SLC43A1: variants seen among roughly 807,000 people sequenced by gnomAD.
SLC43A1 encodes large neutral amino acids transporter small subunit 3.
SLC43A1 carries 31 observed loss-of-function variants against 59.5 expected under a neutral mutation model. That is an observed-to-expected ratio of 0.52 (90% CI 0.39 to 0.70). The LOEUF (loss-of-function observed/expected upper bound fraction) is 0.70. Among genes scored for constraint, SLC43A1 ranks in the 30% least tolerant of loss-of-function variants. The pLI is 0.00. For missense variants in SLC43A1, 598 were observed against 717.8 expected (o/e 0.83, Z 1.91); for synonymous variants, 259 against 290.9 (o/e 0.89, Z 1.12).
intron 2 of SLC43A1, among the ~76,000 whole-genome samples, chr11:57,512,679 C>A (rs1944579696): frequency 6.6e-6 from 1 of 152,112 alleles, no homozygotes; most frequent in Non-Finnish European, 1.5e-5. Context: ...TTGGTTCTTG[C>A]AGCCACTCTT....
At chr11:57,491,553 G>T in intron 10 of SLC43A1, 38 bp downstream of exon 10, 1 of 1,613,144 alleles carries the variant, frequency 6.2e-7, no homozygotes, top group Non-Finnish European at 8.5e-7. Flanking sequence ...GTTGCAGTGG[G>T]GTGGGCGTGA....
chr11:57,512,877 G>A (rs1336571980), intron 2 of SLC43A1, among the ~76,000 whole-genome samples: 5 of 152,084 alleles, frequency 3.3e-5, no homozygotes. Context: ...GGCAGATCCT[G>A]GGGTGGAGCA....
At chr11:57,501,969 GCCCCAT>G (rs1944280651) in intron 2 of SLC43A1, among the ~76,000 whole-genome samples, 1 of 9,248 alleles carries the variant, frequency 1.1e-4, no homozygotes, top group African/African-American at 3.5e-4. Flanking sequence ...AAACACAACA[GCCCCAT>G]AAGTCAGTTA....
chr11:57,487,264 C>A (rs775358444), intron 13 of SLC43A1, 46 bp from the exon 14 acceptor site: 27 of 1,594,408 alleles, frequency 1.7e-5, no homozygotes, highest in Middle Eastern at 2.0e-4. Flanking sequence ...CCCTCTCCAG[C>A]CCAGGCCAGC....
At position 57,485,222 on chromosome 11, in the gene SLC43A1, T is replaced by C. The variant is rs370020211; in HGVS notation, c.1554A>G (p.Leu518=). The change falls in exon 15 of 15, where the codon CTA becomes CTG. Residue 518 remains leucine (L), a synonymous_variant. Coordinates refer to ENST00000278426, the MANE Select transcript of SLC43A1 (RefSeq NM_003627.6). ...EPFWVNLGLL[L]FSLLGFLLPS... ...GCAACAGGAATCCCAGGAGTGAGAA[T>C]AGCAGGAGGCCCAGATTCACCTTTA... 1.2e-5 allele frequency: 19 copies of C among 1,613,266 alleles called. No individual in the cohort carries two copies. The highest frequency in any genetic ancestry group is 1.7e-5 in the Admixed American group (1 of 59,840).
chr11:57,490,309 T>TC, intron 11 of SLC43A1, among the ~76,000 whole-genome samples: 1 of 78,704 alleles, frequency 1.3e-5, no homozygotes, highest in South Asian at 3.7e-4. Flanking sequence ...ACTGTCTCAA[T>TC]AAAAAAAAAA....
chr11:57,494,277 C>G, intron 7 of SLC43A1, 106 bp from the exon 8 acceptor site: 1 of 1,034,566 alleles, frequency 9.7e-7, no homozygotes, highest in Non-Finnish European at 1.4e-6. Context: ...CTCCTTTACC[C>G]GGCATTGACA....
intron 7 of SLC43A1, among the ~76,000 whole-genome samples, chr11:57,494,901 T>G (rs1944033232): frequency 6.6e-6 from 1 of 150,998 alleles, no homozygotes; most frequent in African/African-American, 2.4e-5. Context: ...CAGGCTGGAG[T>G]GCAATGGCAC....
At position 57,509,721 on chromosome 11, in the gene SLC43A1, A is replaced by AGAAG. The variant is rs59036724; in HGVS notation, c.154+4233_154+4236dup. On this transcript the variant is annotated intron_variant, in intron 2 of 14. Transcript: ENST00000278426. The stretch of plus-strand genomic sequence containing the variant: ...GGGAGGGAGAGAGGGAGGGAGGGAA[A>AGAAG]GAAGGAAGGAAGGAAGGAAGGAAGG... Among the ~76,000 whole-genome samples the AGAAG allele has an allele frequency of 1.1e-3, 153 of 133,738 alleles. 4 individuals carry two copies. In the South Asian group the frequency reaches 0.03, roughly 26 times the overall value. 87.7% of individuals were successfully genotyped at this position (133,738 alleles called of 152,430 possible).
At chr11:57,510,457 C>CAAAAAA (rs61412196) in intron 2 of SLC43A1, among the ~76,000 whole-genome samples, 7 of 25,774 alleles carry the variant, frequency 2.7e-4, no homozygotes, top group African/African-American at 9.4e-4. Flanking sequence ...GACTCCATCT[C>CAAAAAA]AAAAAAAAAA....
intron 11 of SLC43A1, among the ~76,000 whole-genome samples, chr11:57,490,963 C>G (rs1590748497): frequency 2.0e-5 from 3 of 152,186 alleles, no homozygotes; most frequent in African/African-American, 7.2e-5. Context: ...GATATTAACG[C>G]ATCTACCTCA....
chr11:57,515,133 A>C lies in SLC43A1; in HGVS notation c.-14+311T>G, dbSNP rs1196051409. On this transcript the variant is annotated intron_variant, in intron 1 of 14. Transcript: ENST00000278426. The surrounding 1 kb of genome is among the most constrained non-coding windows in gnomAD (Gnocchi z 5.3). ...TCTTCCAGGGGGACTCGGTATTCTC[A>C]TCTGTGAAACGGGGCTTTGGGTTCA... The C allele has an allele frequency of 1.2e-3, 1,172 of 939,122 alleles. No individual in the cohort carries two copies. Among genetic ancestry groups the C allele is most frequent in the South Asian group, 1.4e-3 (28 of 20,296 alleles). The allele number at this position is 939,122 out of a possible 1,614,324, so 58.2% of individuals were successfully genotyped here.
Position 57,484,940 on chromosome 11 carries a change from T to C in SLC43A1, c.*156A>G, listed in dbSNP as rs1397917958. On this transcript the variant is annotated 3_prime_UTR_variant, in exon 15 of 15. Coordinates refer to ENST00000278426, the MANE Select transcript of SLC43A1 (RefSeq NM_003627.6). ...TTTTTGAAGGTTTTTTTTCCTCCTT[T>C]TTGCAGTCTTTACAAAAATAGAACT... is the stretch of plus-strand genomic sequence containing the variant. 1 of 935,538 alleles carries C rather than the reference T, an allele frequency of 1.1e-6. No individual in the cohort carries two copies. Among genetic ancestry groups the C allele is most frequent in the South Asian group, 2.1e-5 (1 of 47,810 alleles). The allele number at this position is 935,538 out of a possible 1,614,324, so 58.0% of individuals were successfully genotyped here. A position where few individuals can be genotyped will look rare whatever the true frequency, so the allele number is the denominator to read the frequency against.
At chr11:57,487,033 G>A in intron 14 of SLC43A1, 62 bp downstream of exon 14, 1 of 1,570,172 alleles carries the variant, frequency 6.4e-7, no homozygotes, top group Non-Finnish European at 8.7e-7. Flanking sequence ...CCACATACAA[G>A]GCCCTACCCC....
rs533455215 is a variant in SLC43A1, at chr11:57,498,816, A to G, written c.466-971T>C. ...ACACCAGGAGAGAATTTAATTGATCATGTGTTCCACTCACCTGCCTCAGCC... is the reference window on the plus strand; with the variant it reads ...ACACCAGGAGAGAATTTAATTGATCGTGTGTTCCACTCACCTGCCTCAGCC... On this transcript the variant is annotated intron_variant, in intron 5 of 14. Coordinates refer to ENST00000278426, the MANE Select transcript of SLC43A1 (RefSeq NM_003627.6). Among the ~76,000 whole-genome samples, 51 of 152,288 alleles carry G rather than the reference A, an allele frequency of 3.3e-4. 1 individual carries two copies. In the South Asian group the frequency reaches 4.8e-3, roughly 14 times the overall value.
intron 2 of SLC43A1, among the ~76,000 whole-genome samples, chr11:57,508,739 A>G (rs751238602): frequency 1.3e-5 from 2 of 152,152 alleles, no homozygotes; most frequent in Non-Finnish European, 2.9e-5. Context: ...GGCTGCAGCA[A>G]TGATCACACC....
chr11:57,491,891 G>GCCCCAGAC, intron 8 of SLC43A1, 29 bp from the exon 9 acceptor site: 2 of 1,609,270 alleles, frequency 1.2e-6, no homozygotes, highest in Non-Finnish European at 1.7e-6. Context: ...GCGCCCCTGA[G>GCCCCAGAC]CCCCAGACCT....
intron 2 of SLC43A1, among the ~76,000 whole-genome samples, chr11:57,509,637 GGAAGGAAGGAA>G (rs1328142709): frequency 2.5e-4 from 34 of 134,454 alleles, no homozygotes; most frequent in African/African-American, 9.1e-4. Flanking sequence ...AAGGAAGGAA[GGAAGGAAGGAA>G]GGAGGGAGGG....
Position 57,496,149 on chromosome 11 carries a change from C to A in SLC43A1, c.574G>T (p.Gly192Cys). The stretch of plus-strand genomic sequence containing the variant: ...AACATGATGACCACGAAGGCCACAC[C>A]GGCATCGTAGATCAGCTGTGAGAGG... The part of the protein sequence containing the change: ...FPGIKLIYDA[G>C]VAFVVIMFTW... Residue 192 changes from glycine to cysteine, a missense_variant, in exon 7 of 15, where the codon GGT becomes TGT. By Grantham distance (159) the Gly-to-Cys change is radical. Transcript: ENST00000278426. The A allele has an allele frequency of 6.2e-7, 1 of 1,614,042 alleles. No homozygotes were observed. The highest frequency in any genetic ancestry group is 2.2e-5 in the East Asian group (1 of 44,862).
Sources: gnomAD v4.1 joint callset for allele counts (sites outside exome capture counted in the v4.1 genomes callset) on GRCh38, gnomAD v4.1.1 for gene constraint, Gnocchi (gnomAD v3.1) non-coding constraint, MANE v1.5 for transcripts, NCBI Gene and HGNC (gene_info 2026-07-23, HGNC 2026-07-21) for gene names.